Variants in EIF2AK4 observed in about 807,000 individuals in gnomAD.
EIF2AK4 encodes eIF-2-alpha kinase GCN2.
Under a neutral mutation model 211.1 loss-of-function variants are expected in EIF2AK4, and 139 were observed. The ratio of observed to expected loss-of-function variants is 0.66; its 90% confidence interval spans 0.57 to 0.76. The LOEUF (loss-of-function observed/expected upper bound fraction) is 0.76. Ranked by LOEUF, EIF2AK4 falls within the 30% of genes least tolerant of loss-of-function variation. The pLI is 0.00. For synonymous variants in EIF2AK4, 710 were observed against 751.3 expected (o/e 0.94, Z 0.90); for missense variants, 1,664 against 2,043.8 (o/e 0.81, Z 3.58).
intron 3 of EIF2AK4, chr15:39,946,954 G>T: frequency 3.6e-6 from 1 of 276,428 alleles, no homozygotes; most frequent in Middle Eastern, 1.1e-3. Flanking sequence ...ACCATATAGT[G>T]TAAACATAAC....
At chr15:39,954,009 A>G in intron 5 of EIF2AK4, 25 bp downstream of exon 5, 3 of 1,537,460 alleles carry the variant, frequency 2.0e-6, no homozygotes, top group Non-Finnish European at 2.6e-6. Context: ...CCACCATAAT[A>G]ATTTACATTT....
intron 11 of EIF2AK4, chr15:39,975,067 T>G (rs879226001): frequency 2.6e-5 from 4 of 152,240 alleles, no homozygotes; most frequent in Admixed American, 2.6e-4. Context: ...CCTATTAATG[T>G]GGCAGTAAAA....
intron 26 of EIF2AK4, 103 bp downstream of exon 26, chr15:40,009,833 G>C: frequency 2.4e-6 from 2 of 826,402 alleles, no homozygotes; most frequent in South Asian, 3.1e-5. Context: ...CCATGAAACT[G>C]AATTGGGAGC....
At position 40,032,228 on chromosome 15, in the gene EIF2AK4, A is replaced by C; in HGVS notation, c.4719A>C (p.Glu1573Asp). 1 of 1,614,136 alleles carries C rather than the reference A, an allele frequency of 6.2e-7. No homozygotes were observed. Among genetic ancestry groups the C allele is most frequent in the Non-Finnish European group, 8.5e-7 (1 of 1,179,970 alleles). The change falls in exon 36 of 39, where the codon GAA (glutamate) becomes GAC (aspartate). Residue 1573 changes from glutamate (E) to aspartate (D), a missense_variant. Physicochemically the swap from Glu to Asp is conservative, Grantham distance 45 (BLOSUM62 2). This residue lies in a region of EIF2AK4 where 138 missense variants were observed against 165.1 expected (regional missense o/e 0.84). Coordinates refer to ENST00000263791, the MANE Select transcript of EIF2AK4 (RefSeq NM_001013703.4). ...ANLHQKSSEI[E>D]ILAVDLPKET... The stretch of plus-strand genomic sequence containing the variant: ...TACATCAGAAAAGCAGTGAAATTGA[A>C]ATTCTGGCTGTAAGTGGCTTTCTTT...
chr15:40,013,979 G>C (rs2035272259), intron 27 of EIF2AK4, among the ~76,000 whole-genome samples: 1 of 152,234 alleles, frequency 6.6e-6, no homozygotes, highest in Non-Finnish European at 1.5e-5. Context: ...TTACTTCCTG[G>C]ATACAATGAG....
Position 40,032,842 on chromosome 15 carries a change from C to A in EIF2AK4, c.4773+41C>A, listed in dbSNP as rs370279092. The A allele has an allele frequency of 1.9e-6, 3 of 1,567,186 alleles. No homozygotes were observed. In the African/African-American group the frequency reaches 4.1e-5, roughly 21 times the overall value. Reference sequence around the variant, plus strand: ...TCTTCTGCACTGTGGCCTTTAAGATCCCAAATCTTTGCTATTAGTTTGCCA... The same window carrying A: ...TCTTCTGCACTGTGGCCTTTAAGATACCAAATCTTTGCTATTAGTTTGCCA... On this transcript the variant is annotated intron_variant, in intron 37 of 38. Transcript: ENST00000263791.
chr15:39,993,838 C>T (rs2034983773), intron 18 of EIF2AK4, among the ~76,000 whole-genome samples: 1 of 152,186 alleles, frequency 6.6e-6, no homozygotes, highest in African/African-American at 2.4e-5. Flanking sequence ...AGGCGGTTGG[C>T]AGCTGGAACT....
At chr15:39,992,360 T>A in intron 17 of EIF2AK4, 131 bp downstream of exon 17, 1 of 648,988 alleles carries the variant, frequency 1.5e-6, no homozygotes, top group East Asian at 2.9e-5. Context: ...TTAACAAAAT[T>A]ATGGAAACGT....
At chr15:40,022,486 GTTTAT>G (rs1301460484) in intron 31 of EIF2AK4, 28 bp from the exon 32 acceptor site, 1 of 1,580,166 alleles carries the variant, frequency 6.3e-7, no homozygotes, top group South Asian at 1.1e-5. Flanking sequence ...GGTGCTCTGT[GTTTAT>G]TTTCTTTACT....
At chr15:39,936,482 G>A (rs1250891565) in intron 1 of EIF2AK4, among the ~76,000 whole-genome samples, 4 of 152,162 alleles carry the variant, frequency 2.6e-5, no homozygotes, top group Admixed American at 2.0e-4. Context: ...GAGCAATCTC[G>A]GCTCACTGCA....
At chr15:39,974,998 G>A (rs2034674495) in intron 11 of EIF2AK4, 1 of 152,162 alleles carries the variant, frequency 6.6e-6, no homozygotes, top group South Asian at 2.1e-4. Flanking sequence ...TGTGTACTGA[G>A]ACAGGAGATC....
At chr15:39,964,203 C>T (rs1595550738) in intron 7 of EIF2AK4, among the ~76,000 whole-genome samples, 1 of 152,112 alleles carries the variant, frequency 6.6e-6, no homozygotes, top group Non-Finnish European at 1.5e-5. Flanking sequence ...CCATATTTTT[C>T]CAAAGTATTT....
chr15:40,022,797 A>T lies in EIF2AK4; in HGVS notation c.4389+192A>T, dbSNP rs143471522. Reference sequence around the variant, plus strand: ...CTCCCAGGCTGGAGTGCAATGACGCAATCTCGGCTCACTGCAAGCTCCGCC... The same window carrying T: ...CTCCCAGGCTGGAGTGCAATGACGCTATCTCGGCTCACTGCAAGCTCCGCC... On this transcript the variant is annotated intron_variant, in intron 32 of 38. Coordinates refer to ENST00000263791, the MANE Select transcript of EIF2AK4 (RefSeq NM_001013703.4). 3.2e-4 allele frequency among the ~76,000 whole-genome samples: 49 copies of T among 151,894 alleles called. No individual in the cohort carries two copies. In the East Asian group the frequency reaches 9.5e-3, roughly 29 times the overall value.
At chr15:39,970,855 C>T (rs554882877) in intron 9 of EIF2AK4, among the ~76,000 whole-genome samples, 8 of 152,112 alleles carry the variant, frequency 5.3e-5, no homozygotes, top group South Asian at 4.2e-4. Flanking sequence ...AAGGAAAATA[C>T]GGTATCTTAT....
At chr15:39,996,521 A>G (rs1236275739) in intron 18 of EIF2AK4, among the ~76,000 whole-genome samples, 1 of 152,300 alleles carries the variant, frequency 6.6e-6, no homozygotes, top group African/African-American at 2.4e-5. Flanking sequence ...CCTGGGCAAC[A>G]TGGCAAAACC....
intron 34 of EIF2AK4, 100 bp from the exon 35 acceptor site, chr15:40,030,259 C>A: frequency 8.4e-7 from 1 of 1,190,634 alleles, no homozygotes; most frequent in Non-Finnish European, 1.2e-6. Context: ...CTTAGAATCA[C>A]GACAGGATGT....
intron 23 of EIF2AK4, among the ~76,000 whole-genome samples, chr15:40,005,617 G>A (rs2035150330): frequency 6.6e-6 from 1 of 151,026 alleles, no homozygotes; most frequent in Non-Finnish European, 1.5e-5. Context: ...TGTCTCTCAG[G>A]CTGGAGGGCA....
chr15:40,019,533 C>A (rs553744837), intron 30 of EIF2AK4, among the ~76,000 whole-genome samples: 1 of 152,156 alleles, frequency 6.6e-6, no homozygotes, highest in Non-Finnish European at 1.5e-5. Context: ...CTGAGCTCCA[C>A]CTCCTGTCAG....
rs2035599409 is a variant in EIF2AK4 at position 40,035,161 on chromosome 15, A to G, written c.*77A>G. On this transcript the variant is annotated 3_prime_UTR_variant, in exon 39 of 39. Transcript: ENST00000263791. The stretch of plus-strand genomic sequence containing the variant: ...AATAATGGAATGTTGTACATTCATC[A>G]TAATTTAAAATTAAATTCTAAGAAG... The G allele has an allele frequency of 8.8e-7, 1 of 1,142,502 alleles. No homozygotes were observed. Among genetic ancestry groups the G allele is most frequent in the Non-Finnish European group, 1.2e-6 (1 of 830,724 alleles). The allele number at this position is 1,142,502 out of a possible 1,614,324, so 70.8% of individuals were successfully genotyped here.
Sources: allele counts gnomAD v4.1 joint callset (sites outside exome capture counted in the v4.1 genomes callset), GRCh38; gene constraint gnomAD v4.1.1; regional missense constraint gnomAD v4.1.1; transcripts MANE v1.5; gene names NCBI Gene and HGNC (gene_info 2026-07-23, HGNC 2026-07-21).